CACNA2D2: variants seen among roughly 807,000 people sequenced by gnomAD.
The protein encoded by CACNA2D2 is calcium voltage-gated channel auxiliary subunit alpha2delta 2, also known as voltage-dependent calcium channel subunit alpha-2/delta-2.
In CACNA2D2, 48 loss-of-function variants were observed where a neutral mutation model predicts 166.4. That is an observed-to-expected ratio of 0.29 (90% CI 0.23 to 0.37). The LOEUF (loss-of-function observed/expected upper bound fraction) is 0.37, where lower values mean the gene tolerates loss of function less well. CACNA2D2 is among the 10% of genes least tolerant of loss of function. The pLI, the probability that CACNA2D2 is intolerant of heterozygous loss-of-function variation, is 1.00. For synonymous variants in CACNA2D2, 561 were observed against 573.7 expected (o/e 0.98, Z 0.32); for missense variants, 1,122 against 1,433.0 (o/e 0.78, Z 3.50).
chr3:50,389,502 A>G (rs1180412000), intron 4 of CACNA2D2, among the ~76,000 whole-genome samples: 1 of 152,204 alleles, frequency 6.6e-6, no homozygotes, highest in South Asian at 2.1e-4. Flanking sequence ...AACCTTCCAC[A>G]AGCATGGGAA....
At chr3:50,470,735 C>T (rs1253102325) in intron 2 of CACNA2D2, among the ~76,000 whole-genome samples, 2 of 151,772 alleles carry the variant, frequency 1.3e-5, no homozygotes, top group African/African-American at 4.8e-5. Flanking sequence ...GAGGCTGCCC[C>T]CAGGTCTGGG....
chr3:50,366,972 T>G lies in CACNA2D2; in HGVS notation c.2500+39A>C, dbSNP rs1208771514. Reference sequence around the variant, plus strand: ...TGCTACCTGCCCAGGCAGTACCCTGTCCATTGCCTGTTTCCCCACCTCTGT... The same window carrying G: ...TGCTACCTGCCCAGGCAGTACCCTGGCCATTGCCTGTTTCCCCACCTCTGT... On this transcript the variant is annotated intron_variant, in intron 28 of 37. Coordinates refer to ENST00000424201, the MANE Select transcript of CACNA2D2 (RefSeq NM_006030.4). This position sits in a 1 kb window ranked among gnomAD's most constrained non-coding sequence, Gnocchi z 5.9. The G allele has an allele frequency of 6.2e-7, 1 of 1,611,732 alleles. No individual in the cohort carries two copies. The highest frequency in any genetic ancestry group is 8.5e-7 in the Non-Finnish European group (1 of 1,178,138).
intron 6 of CACNA2D2, among the ~76,000 whole-genome samples, chr3:50,383,706 G>A (rs1705443500): frequency 6.6e-6 from 1 of 152,122 alleles, no homozygotes; most frequent in Non-Finnish European, 1.5e-5. Context: ...TTGGTTCTAT[G>A]CCCAGGAGAA....
chr3:50,471,932 T>C (rs1293334236), intron 2 of CACNA2D2, among the ~76,000 whole-genome samples: 2 of 152,244 alleles, frequency 1.3e-5, no homozygotes, highest in African/African-American at 4.8e-5. Flanking sequence ...CATTCCTGGC[T>C]ACCCATAAGA....
intron 4 of CACNA2D2, among the ~76,000 whole-genome samples, chr3:50,389,262 T>C (rs1172374647): frequency 2.0e-5 from 3 of 152,116 alleles, no homozygotes; most frequent in Non-Finnish European, 4.4e-5. Flanking sequence ...TCAAACACAA[T>C]AAGGAGTTTC....
chr3:50,477,296 G>A (rs1000762999), intron 1 of CACNA2D2, among the ~76,000 whole-genome samples: 6 of 152,174 alleles, frequency 3.9e-5, no homozygotes, highest in Admixed American at 3.9e-4. Flanking sequence ...ATAATTTGGG[G>A]CCACCTTTCA....
At chr3:50,422,506 A>T (rs1211329769) in intron 3 of CACNA2D2, among the ~76,000 whole-genome samples, 1 of 152,202 alleles carries the variant, frequency 6.6e-6, no homozygotes, top group Admixed American at 6.5e-5. Context: ...AGTGACAGGG[A>T]TCTTCCCTGC....
At chr3:50,502,202 C>A (rs959419126) in intron 1 of CACNA2D2, among the ~76,000 whole-genome samples, 1 of 152,144 alleles carries the variant, frequency 6.6e-6, no homozygotes, top group Non-Finnish European at 1.5e-5. Flanking sequence ...AGCAGCCCGA[C>A]GACTCATGCC....
At chr3:50,398,638 G>T (rs1706276678) in intron 3 of CACNA2D2, among the ~76,000 whole-genome samples, 1 of 152,146 alleles carries the variant, frequency 6.6e-6, no homozygotes, top group African/African-American at 2.4e-5. Context: ...GCACATCCTG[G>T]GGGGTAAGGG....
intron 22 of CACNA2D2, chr3:50,373,224 C>A: frequency 4.3e-6 from 3 of 698,700 alleles, no homozygotes; most frequent in Non-Finnish European, 4.8e-6. Flanking sequence ...TATTGTGTCT[C>A]ATCATCATAC....
intron 3 of CACNA2D2, among the ~76,000 whole-genome samples, chr3:50,432,595 C>A (rs1708123285): frequency 6.6e-6 from 1 of 152,244 alleles, no homozygotes; most frequent in Admixed American, 6.5e-5. Flanking sequence ...GGGCGCGATG[C>A]ACTGGCTGAG....
Position 50,379,131 on chromosome 3 carries a change from C to G in CACNA2D2, c.1221G>C (p.Val407=). Residue 407 remains valine, a synonymous_variant, in exon 12 of 38, where the codon GTG becomes GTC. Coordinates refer to ENST00000424201, the MANE Select transcript of CACNA2D2 (RefSeq NM_006030.4). The surrounding 1 kb of genome is among the most constrained non-coding windows in gnomAD (Gnocchi z 6.5). The stretch of plus-strand genomic sequence containing the variant: ...AATTGTACTTCTCAAAGACGTCCTG[C>G]ACGCGGTCCTCACCACCATCCGTGA... ...MMFTDGGEDR[V]QDVFEKYNWP... The G allele has an allele frequency of 6.2e-7, 1 of 1,614,016 alleles. No homozygotes were observed. Among genetic ancestry groups the G allele is most frequent in the Non-Finnish European group, 8.5e-7 (1 of 1,180,010 alleles).
In CACNA2D2 at chr3:50,367,562, G is replaced by C; in HGVS notation, c.2298-65C>G. The stretch of plus-strand genomic sequence containing the variant: ...CTTGTCGGGGACAGTGGTCTCCACA[G>C]ATGCAAGGAGGCCTCTGGGCAGAAC... On this transcript the variant is annotated intron_variant, in intron 26 of 37. Coordinates refer to ENST00000424201, the MANE Select transcript of CACNA2D2 (RefSeq NM_006030.4). The surrounding 1 kb of genome is among the most constrained non-coding windows in gnomAD (Gnocchi z 6.5). 6 of 1,601,160 alleles carry C rather than the reference G, an allele frequency of 3.7e-6. No individual in the cohort carries two copies. The highest frequency in any genetic ancestry group is 1.7e-4 in the Middle Eastern group (1 of 6,022).
intron 1 of CACNA2D2, among the ~76,000 whole-genome samples, chr3:50,482,403 G>C (rs1698091621): frequency 6.6e-6 from 1 of 152,226 alleles, no homozygotes; most frequent in African/African-American, 2.4e-5. Flanking sequence ...TGAGTGCCTA[G>C]ATCCAGCCCT....
In CACNA2D2 at chr3:50,458,351, C is replaced by T. The variant is rs113926416; in HGVS notation, c.288+17767G>A. Among the ~76,000 whole-genome samples, 539 of 152,324 alleles carry T rather than the reference C, an allele frequency of 3.5e-3. 4 individuals carry two copies. Among genetic ancestry groups the T allele is most frequent in the African/African-American group, 0.012 (501 of 41,572 alleles). ...TCCCAGAGACTCCCTGCTGCTAACT[C>T]CAAGCCAAGCCCTGTGCCCAACACA... is the stretch of plus-strand genomic sequence containing the variant. On this transcript the variant is annotated intron_variant, in intron 2 of 37. Coordinates refer to ENST00000424201, the MANE Select transcript of CACNA2D2 (RefSeq NM_006030.4).
intron 1 of CACNA2D2, among the ~76,000 whole-genome samples, chr3:50,493,023 G>A (rs1204861900): frequency 6.6e-6 from 1 of 152,152 alleles, no homozygotes; most frequent in Non-Finnish European, 1.5e-5. Context: ...TATACCACCG[G>A]GGGCCCAGCT....
chr3:50,378,922 G>A lies in CACNA2D2; in HGVS notation c.1332C>T (p.Ala444=). 6.2e-7 allele frequency: 1 copy of A among 1,613,748 alleles called. No homozygotes were observed. The highest frequency in any genetic ancestry group is 1.1e-5 in the South Asian group (1 of 91,080). The change falls in exon 13 of 38, where the codon GCC becomes GCT. Residue 444 remains alanine, a synonymous_variant. Coordinates refer to ENST00000424201, the MANE Select transcript of CACNA2D2 (RefSeq NM_006030.4). ...GATGCGCAGGGGAGGTACCTTTGTT[G>A]GCACAGGCCATCCACTGCAGCGGTG... The part of the protein sequence containing the change: ...DVTPLQWMAC[A]NKGYYFEIPS...
chr3:50,494,076 C>T (rs1478363533), intron 1 of CACNA2D2, among the ~76,000 whole-genome samples: 1 of 152,210 alleles, frequency 6.6e-6, no homozygotes, highest in Non-Finnish European at 1.5e-5. Context: ...AAAAGGGAGA[C>T]ACTCCAGCAA....
At chr3:50,464,950 C>CCTGGGA (rs1279510989) in intron 2 of CACNA2D2, among the ~76,000 whole-genome samples, 3 of 152,248 alleles carry the variant, frequency 2.0e-5, no homozygotes, top group African/African-American at 7.2e-5. Flanking sequence ...ATGTGCCAGC[C>CCTGGGA]CTGGGACTGG....
Sources: allele counts gnomAD v4.1 joint callset (sites outside exome capture counted in the v4.1 genomes callset), GRCh38; gene constraint gnomAD v4.1.1; non-coding constraint Gnocchi (gnomAD v3.1); transcripts MANE v1.5; gene names NCBI Gene and HGNC (gene_info 2026-07-23, HGNC 2026-07-21).